The following WNT6 variants were observed in gnomAD, a reference collection of about 807,000 sequenced individuals.
WNT6 encodes Wnt family member 6.
A neutral mutation model predicts 33.1 loss-of-function variants in WNT6; 27 were observed. That is an observed-to-expected ratio of 0.82 (90% confidence interval 0.60 to 1.12). The LOEUF (loss-of-function observed/expected upper bound fraction) is 1.12, where lower values mean the gene tolerates loss of function less well. WNT6 is among the 50% of genes most tolerant of loss of function. The pLI, the probability that WNT6 is intolerant of heterozygous loss-of-function variation, is 0.00. For synonymous variants in WNT6, 249 were observed against 242.8 expected (o/e 1.03, Z -0.24); for missense variants, 494 against 535.3 (o/e 0.92, Z 0.76).
intron 1 of WNT6, among the ~76,000 whole-genome samples, chr2:218,865,133 G>A (rs1005544072): frequency 9.9e-5 from 15 of 152,252 alleles, no homozygotes; most frequent in South Asian, 8.3e-4. Context: ...AGTTGGTGGG[G>A]AGAGGTCAGC....
chr2:218,871,186 C>T lies in WNT6; in HGVS notation c.240C>T (p.Phe80=), dbSNP rs1434017926. ...RLGVRECQFQ[F]RFRRWNCSSH... Reference sequence around the variant, plus strand: ...GGGTGCGAGAGTGCCAGTTCCAGTTCCGCTTCCGCCGCTGGAATTGCTCCA... The same window carrying T: ...GGGTGCGAGAGTGCCAGTTCCAGTTTCGCTTCCGCCGCTGGAATTGCTCCA... The change falls in exon 2 of 4, where the codon TTC becomes TTT. Residue 80 remains phenylalanine, a synonymous_variant. Transcript: ENST00000233948. This position sits in a 1 kb window ranked among gnomAD's most constrained non-coding sequence, Gnocchi z 6.4. 1.1e-5 allele frequency: 18 copies of T among 1,613,420 alleles called. No individual in the cohort carries two copies. The highest frequency in any genetic ancestry group is 1.7e-5 in the Admixed American group (1 of 59,992).
chr2:218,867,038 A>G lies in WNT6; in HGVS notation c.81-3989A>G, dbSNP rs933914027. Reference sequence around the variant, plus strand: ...GAGGTGAGTTTGGAGAGATGCTAAGATTTTGATGACTTAGGGTGGGTCTGA... The same window carrying G: ...GAGGTGAGTTTGGAGAGATGCTAAGGTTTTGATGACTTAGGGTGGGTCTGA... On this transcript the variant is annotated intron_variant, in intron 1 of 3. Transcript: ENST00000233948. This position sits in a 1 kb window ranked among gnomAD's most constrained non-coding sequence, Gnocchi z 4.9. Among the ~76,000 whole-genome samples the G allele has an allele frequency of 6.6e-6, 1 of 152,098 alleles. No homozygotes were observed. Among genetic ancestry groups the G allele is most frequent in the Non-Finnish European group, 1.5e-5 (1 of 68,018 alleles).
In WNT6 at chr2:218,871,861, A is replaced by G; in HGVS notation, c.636+42A>G. ...TGGAGTGAGTGTGTGCGGAAATGTG[A>G]GTGTGCGCGCAGGAGTGTGCTTGAG... On this transcript the variant is annotated intron_variant, in intron 3 of 3. Transcript: ENST00000233948. This position sits in a 1 kb window ranked among gnomAD's most constrained non-coding sequence, Gnocchi z 6.4. 6.7e-7 allele frequency: 1 copy of G among 1,498,428 alleles called. No homozygotes were observed. The highest frequency in any genetic ancestry group is 8.9e-7 in the Non-Finnish European group (1 of 1,118,714). The allele number at this position is 1,498,428 out of a possible 1,614,324, so 92.8% of individuals were successfully genotyped here.
At chr2:218,865,176 G>A (rs556622078) in intron 1 of WNT6, among the ~76,000 whole-genome samples, 7 of 152,352 alleles carry the variant, frequency 4.6e-5, no homozygotes, top group African/African-American at 1.4e-4. Flanking sequence ...AGCAAGCGGG[G>A]GTTCCAGAAT....
At chr2:218,869,636 A>G (rs768551789) in intron 1 of WNT6, among the ~76,000 whole-genome samples, 7 of 152,258 alleles carry the variant, frequency 4.6e-5, no homozygotes, top group Non-Finnish European at 7.4e-5. Context: ...TGCTCTACTC[A>G]TTCATTTGAG....
intron 1 of WNT6, among the ~76,000 whole-genome samples, 163 bp from the exon 2 acceptor site, chr2:218,870,864 C>T (rs949577880): frequency 2.0e-5 from 3 of 152,254 alleles, no homozygotes; most frequent in Non-Finnish European, 4.4e-5. Flanking sequence ...CAGACATGGA[C>T]TAGCAGGAGA....
Position 218,874,162 on chromosome 2 carries a change from C to A in WNT6, c.*317C>A. On this transcript the variant is annotated 3_prime_UTR_variant, in exon 4 of 4. Coordinates refer to ENST00000233948, the MANE Select transcript of WNT6 (RefSeq NM_006522.4). ...AAGCCAGTCTAAAGGCCTCTGGATACTGGGCTCCCCAGAACTGCTGGCCAC... is the reference window on the plus strand; with the variant it reads ...AAGCCAGTCTAAAGGCCTCTGGATAATGGGCTCCCCAGAACTGCTGGCCAC... 1 of 352,544 alleles carries A rather than the reference C, an allele frequency of 2.8e-6. No homozygotes were observed. Among genetic ancestry groups the A allele is most frequent in the Non-Finnish European group, 5.0e-6 (1 of 199,076 alleles). 21.8% of individuals were successfully genotyped at this position (352,544 alleles called of 1,614,324 possible).
chr2:218,869,817 G>A (rs1428029200), intron 1 of WNT6, among the ~76,000 whole-genome samples: 1 of 152,186 alleles, frequency 6.6e-6, no homozygotes, highest in Non-Finnish European at 1.5e-5. Flanking sequence ...GGAAGTGCGT[G>A]AGACTTCCCG....
chr2:218,869,820 A>T (rs1944385461), intron 1 of WNT6, among the ~76,000 whole-genome samples: 1 of 152,146 alleles, frequency 6.6e-6, no homozygotes, highest in East Asian at 1.9e-4. Context: ...AGTGCGTGAG[A>T]CTTCCCGTGA....
chr2:218,862,408 C>T (rs752170146), intron 1 of WNT6, among the ~76,000 whole-genome samples: 11 of 152,010 alleles, frequency 7.2e-5, no homozygotes, highest in Admixed American at 6.6e-4. Context: ...TGCAGTGGTG[C>T]GATCTTGGCT....
At chr2:218,869,215 T>C (rs200452095) in intron 1 of WNT6, among the ~76,000 whole-genome samples, 1 of 107,702 alleles carries the variant, frequency 9.3e-6, no homozygotes, top group Non-Finnish European at 1.7e-5. Context: ...ATTTTGTGTG[T>C]GTGCGTGCGC....
At chr2:218,865,688 T>C (rs1944348722) in intron 1 of WNT6, among the ~76,000 whole-genome samples, 1 of 152,074 alleles carries the variant, frequency 6.6e-6, no homozygotes, top group Non-Finnish European at 1.5e-5. Flanking sequence ...AGGCCTCTCC[T>C]GCTCCCCTGT....
Position 218,871,868 on chromosome 2 carries a change from G to A in WNT6, c.636+49G>A. On this transcript the variant is annotated intron_variant, in intron 3 of 3. Transcript: ENST00000233948. The surrounding 1 kb of genome is among the most constrained non-coding windows in gnomAD (Gnocchi z 6.4). ...AGTGTGTGCGGAAATGTGAGTGTGC[G>A]CGCAGGAGTGTGCTTGAGGAAGTGT... 1.3e-6 allele frequency: 2 copies of A among 1,484,436 alleles called. No individual in the cohort carries two copies. The highest frequency in any genetic ancestry group is 2.8e-5 in the East Asian group (1 of 35,690). The allele number at this position is 1,484,436 out of a possible 1,614,324, so 92.0% of individuals were successfully genotyped here. A position where few individuals can be genotyped will look rare whatever the true frequency, so the allele number is the denominator to read the frequency against.
intron 1 of WNT6, among the ~76,000 whole-genome samples, chr2:218,860,971 A>T (rs1944302931): frequency 6.6e-6 from 1 of 152,118 alleles, no homozygotes; most frequent in Non-Finnish European, 1.5e-5. Context: ...TTTTCCCCCT[A>T]GGTCTCCAGA....
chr2:218,871,957 G>A lies in WNT6; in HGVS notation c.636+138G>A, dbSNP rs1158475068. On this transcript the variant is annotated intron_variant, in intron 3 of 3. Coordinates refer to ENST00000233948, the MANE Select transcript of WNT6 (RefSeq NM_006522.4). The surrounding 1 kb of genome is among the most constrained non-coding windows in gnomAD (Gnocchi z 6.4). Reference sequence around the variant, plus strand: ...ATGTGTGGGGGAGTGCGCACGGGCGGAAAGATGGGCTGCAAGCATGGATGG... The same window carrying A: ...ATGTGTGGGGGAGTGCGCACGGGCGAAAAGATGGGCTGCAAGCATGGATGG... 2.4e-6 allele frequency: 2 copies of A among 826,338 alleles called. No individual in the cohort carries two copies. The highest frequency in any genetic ancestry group is 3.5e-6 in the Non-Finnish European group (2 of 566,010). 51.2% of individuals were successfully genotyped at this position (826,338 alleles called of 1,614,324 possible). A position where few individuals can be genotyped will look rare whatever the true frequency, so the allele number is the denominator to read the frequency against.
At position 218,871,645 on chromosome 2, in the gene WNT6, C is replaced by A; in HGVS notation, c.462C>A (p.Pro154=). The part of the protein sequence containing the change: ...RPSGLPGTPG[P]PGPAGSPEGS... ...CCGGCCTGCCCGGCACCCCCGGACC[C>A]CCTGGCCCCGCGGGCTCCCCGGAAG... Residue 154 remains proline, a synonymous_variant, in exon 3 of 4, where the codon CCC becomes CCA. Transcript: ENST00000233948. The surrounding 1 kb of genome is among the most constrained non-coding windows in gnomAD (Gnocchi z 6.4). The A allele has an allele frequency of 6.7e-7, 1 of 1,496,498 alleles. No homozygotes were observed. The highest frequency in any genetic ancestry group is 8.9e-7 in the Non-Finnish European group (1 of 1,125,452). The allele number at this position is 1,496,498 out of a possible 1,614,324, so 92.7% of individuals were successfully genotyped here.
chr2:218,865,374 G>C (rs1944346153), intron 1 of WNT6, among the ~76,000 whole-genome samples: 1 of 152,244 alleles, frequency 6.6e-6, no homozygotes, highest in Admixed American at 6.5e-5. Flanking sequence ...CGGAGGAGGA[G>C]CTGAGGGAGA....
Position 218,860,066 on chromosome 2 carries a change from G to GGCT in WNT6, c.45_47dup (p.Leu17dup), listed in dbSNP as rs749441067. 87 of 1,521,896 alleles carry GGCT rather than the reference G, an allele frequency of 5.7e-5. No homozygotes were observed. Among genetic ancestry groups the GGCT allele is most frequent in the Non-Finnish European group, 6.7e-5 (76 of 1,139,974 alleles). The allele number at this position is 1,521,896 out of a possible 1,614,324, so 94.3% of individuals were successfully genotyped here. On this transcript the variant is annotated inframe_insertion, in exon 1 of 4. Transcript: ENST00000233948. ...CTGCCGCCCTTACCCTCCCGCCTCG[G>GGCT]GCTGCTGCTGCTGCTGCTCCTGTGC... is the stretch of plus-strand genomic sequence containing the variant.
chr2:218,869,142 G>A (rs920846012), intron 1 of WNT6, among the ~76,000 whole-genome samples: 11 of 152,182 alleles, frequency 7.2e-5, no homozygotes, highest in African/African-American at 2.7e-4. Context: ...GTGGACTGTG[G>A]CCTCTCCATT....
Sources: gnomAD v4.1 joint callset for allele counts (sites outside exome capture counted in the v4.1 genomes callset) on GRCh38, gnomAD v4.1.1 for gene constraint, Gnocchi (gnomAD v3.1) non-coding constraint, MANE v1.5 for transcripts, NCBI Gene and HGNC (gene_info 2026-07-23, HGNC 2026-07-21) for gene names.